ANKS1B: variants seen among roughly 807,000 people sequenced by gnomAD.
ANKS1B encodes ankyrin repeat and sterile alpha motif domain-containing protein 1B.
In ANKS1B, 36 loss-of-function variants were observed where a neutral mutation model predicts 148.3. The observed-to-expected ratio is 0.24, with a 90% CI of 0.19 to 0.32. ANKS1B has a LOEUF of 0.32. ANKS1B is among the 10% of genes least tolerant of loss of function. ANKS1B has a pLI of 1.00. For missense variants in ANKS1B, 1,157 were observed against 1,542.6 expected (o/e 0.75, Z 4.19); for synonymous variants, 542 against 560.8 (o/e 0.97, Z 0.47).
chr12:99,055,729 G>T (rs911939708), intron 16 of ANKS1B, among the ~76,000 whole-genome samples: 2 of 151,352 alleles, frequency 1.3e-5, no homozygotes, highest in African/African-American at 2.4e-5. Context: ...CTTGGGGGGG[G>T]GGGAGGTGGT....
intron 14 of ANKS1B, among the ~76,000 whole-genome samples, chr12:99,163,299 A>G (rs189189324): frequency 1.3e-5 from 2 of 151,886 alleles, no homozygotes; most frequent in Non-Finnish European, 2.9e-5. Context: ...ATAATTGTCA[A>G]TTTGCATGAA....
intron 9 of ANKS1B, among the ~76,000 whole-genome samples, chr12:99,606,471 T>G (rs1006837450): frequency 3.9e-5 from 6 of 151,990 alleles, no homozygotes; most frequent in Middle Eastern, 3.4e-3. Context: ...CTCATATTAG[T>G]ACAAATGATT....
chr12:98,951,372 C>T lies in ANKS1B; in HGVS notation c.2778+101785G>A, dbSNP rs529296308. The stretch of plus-strand genomic sequence containing the variant: ...GACAGTTTTCATAGAACACTGCTGT[C>T]CCCATTTTAATGAGAAACAAAAAAA... On this transcript the variant is annotated intron_variant, in intron 17 of 26. Coordinates refer to ENST00000683438, the MANE Select transcript of ANKS1B (RefSeq NM_001352186.2). Among the ~76,000 whole-genome samples the T allele has an allele frequency of 1.2e-4, 18 of 152,274 alleles. 1 individual carries two copies. The South Asian group carries it at 3.7e-3, about 32-fold the overall frequency.
chr12:99,635,183 G>A (rs1722574054), intron 9 of ANKS1B, among the ~76,000 whole-genome samples: 1 of 152,156 alleles, frequency 6.6e-6, no homozygotes, highest in African/African-American at 2.4e-5. Flanking sequence ...CAGCCACTAT[G>A]GAAAACAGCA....
At chr12:99,451,785 A>ATGTGTGTGTG (rs2095741558) in intron 10 of ANKS1B, among the ~76,000 whole-genome samples, 3 of 111,688 alleles carry the variant, frequency 2.7e-5, no homozygotes, top group African/African-American at 8.7e-5. Context: ...ATGTACAGAT[A>ATGTGTGTGTG]CGTGTGTGTG....
At chr12:99,893,780 G>A (rs548966142) in intron 1 of ANKS1B, among the ~76,000 whole-genome samples, 7 of 152,178 alleles carry the variant, frequency 4.6e-5, no homozygotes, top group Non-Finnish European at 7.4e-5. Flanking sequence ...TAGAATAATC[G>A]TTTCCAGCTG....
At chr12:99,876,045 AAT>A (rs2092012055) in intron 1 of ANKS1B, among the ~76,000 whole-genome samples, 1 of 152,196 alleles carries the variant, frequency 6.6e-6, no homozygotes, top group Non-Finnish European at 1.5e-5. Flanking sequence ...CCAAGACAGC[AAT>A]ATGTAAACTG....
At chr12:98,767,713 C>G (rs957488531) in intron 25 of ANKS1B, among the ~76,000 whole-genome samples, 3 of 152,222 alleles carry the variant, frequency 2.0e-5, no homozygotes, top group Non-Finnish European at 4.4e-5. Context: ...ATCTGATACT[C>G]CCATGGAGAA....
intron 8 of ANKS1B, among the ~76,000 whole-genome samples, chr12:99,656,416 C>T (rs1029344932): frequency 6.6e-6 from 1 of 151,974 alleles, no homozygotes; most frequent in Non-Finnish European, 1.5e-5. Flanking sequence ...TGAGAAAAAC[C>T]TCTTAACAGA....
intron 8 of ANKS1B, among the ~76,000 whole-genome samples, chr12:99,717,561 T>G (rs566382675): frequency 6.6e-6 from 1 of 152,284 alleles, no homozygotes; most frequent in East Asian, 1.9e-4. Context: ...AAAATTGGAC[T>G]GTTCAACTCA....
chr12:99,675,741 T>C (rs2098561603), intron 8 of ANKS1B, among the ~76,000 whole-genome samples: 1 of 151,972 alleles, frequency 6.6e-6, no homozygotes, highest in Non-Finnish European at 1.5e-5. Flanking sequence ...TATAATAAAA[T>C]AAATGTATAA....
chr12:99,936,338 T>C (rs2094768862), intron 1 of ANKS1B, among the ~76,000 whole-genome samples: 1 of 152,158 alleles, frequency 6.6e-6, no homozygotes, highest in Non-Finnish European at 1.5e-5. Context: ...AACGTTATGC[T>C]ACTTGTAAAA....
chr12:99,307,458 A>G (rs749246895), intron 12 of ANKS1B, among the ~76,000 whole-genome samples: 10 of 152,038 alleles, frequency 6.6e-5, no homozygotes, highest in Non-Finnish European at 1.3e-4. Context: ...AGTTCAAACT[A>G]TATATAAAGG....
chr12:98,832,158 T>A (rs773761096), intron 17 of ANKS1B, 22 bp from the exon 18 acceptor site: 3 of 1,515,514 alleles, frequency 2.0e-6, no homozygotes, highest in Non-Finnish European at 2.7e-6. Context: ...TATATTTGGG[T>A]TAAATATTTC....
intron 17 of ANKS1B, among the ~76,000 whole-genome samples, chr12:98,940,465 C>T (rs571537216): frequency 2.0e-5 from 3 of 152,320 alleles, no homozygotes; most frequent in East Asian, 3.9e-4. Context: ...TCTTTCAGGG[C>T]TCAGCTGAAA....
intron 9 of ANKS1B, among the ~76,000 whole-genome samples, chr12:99,582,998 G>A (rs2097585271): frequency 6.6e-6 from 1 of 152,014 alleles, no homozygotes; most frequent in African/African-American, 2.4e-5. Context: ...ATGAAGCTTT[G>A]TAGGAACACC....
intron 12 of ANKS1B, among the ~76,000 whole-genome samples, chr12:99,313,463 A>G (rs1163330486): frequency 1.3e-5 from 2 of 152,250 alleles, no homozygotes; most frequent in Admixed American, 6.5e-5. Flanking sequence ...AGACACAACA[A>G]CAACAAAAAA....
chr12:99,649,366 T>C (rs2098403160), intron 9 of ANKS1B: 1 of 1,614,008 alleles, frequency 6.2e-7, no homozygotes, highest in South Asian at 1.1e-5. Context: ...AATGTTTGGG[T>C]CCACCTATTG....
intron 17 of ANKS1B, among the ~76,000 whole-genome samples, chr12:99,003,142 A>T (rs747554757): frequency 4.6e-5 from 7 of 152,154 alleles, no homozygotes; most frequent in Non-Finnish European, 1.0e-4. Context: ...TCAATTGATC[A>T]TATATACGTG....
Sources: gnomAD v4.1 joint callset for allele counts (sites outside exome capture counted in the v4.1 genomes callset) on GRCh38, gnomAD v4.1.1 for gene constraint, MANE v1.5 for transcripts, NCBI Gene and HGNC (gene_info 2026-07-23, HGNC 2026-07-21) for gene names.